TUB: variants seen among roughly 807,000 people sequenced by gnomAD.
TUB encodes the protein TUB bipartite transcription factor, also known as tubby protein homolog.
In TUB, 33 loss-of-function variants were observed where a neutral mutation model predicts 59.7. The ratio of observed to expected loss-of-function variants is 0.55; its 90% CI spans 0.42 to 0.74. TUB has a LOEUF of 0.74. Among genes scored for constraint, TUB ranks in the 30% least tolerant of loss-of-function variants. The pLI, the probability that TUB is intolerant of heterozygous loss-of-function variation, is 0.00. For synonymous variants in TUB, 293 were observed against 256.4 expected, an observed-to-expected ratio of 1.14 and a Z score of -1.36; for missense variants, 659 against 672.0, an observed-to-expected ratio of 0.98 and a Z score of 0.21.
chr11:8,065,650 C>T (rs977854097), intron 2 of TUB, among the ~76,000 whole-genome samples: 16 of 152,146 alleles, frequency 1.1e-4, no homozygotes, highest in African/African-American at 3.6e-4. Flanking sequence ...CCAAATAGGC[C>T]TCCACTCTAG....
rs376033505 is a variant in TUB at position 8,039,719 on chromosome 11, C to T, written c.203+27C>T. 4.1e-5 allele frequency: 62 copies of T among 1,494,760 alleles called. No homozygotes were observed. The Admixed American group carries it at 7.0e-4, about 17-fold the overall frequency. 92.6% of individuals were successfully genotyped at this position (1,494,760 alleles called of 1,614,324 possible). A position where few individuals can be genotyped will look rare whatever the true frequency, so the allele number is the denominator to read the frequency against. On this transcript the variant is annotated intron_variant, in intron 2 of 12. Coordinates refer to the TUB transcript ENST00000305253. ...TGAGCTGGAGGGGAGGAGGGCGTGC[C>T]GGCCCTGGGAAAGGGCCAACCACAG...
At position 8,103,637 on chromosome 11, in the gene TUB, T is replaced by G. The variant is rs1355402996; in HGVS notation, c.*2018T>G. The stretch of plus-strand genomic sequence containing the variant: ...CCAGTTTCTAGAGGGCACTAGAACT[T>G]TGTGCCAGCGCTGGCGAGATACCAT... On this transcript the variant is annotated 3_prime_UTR_variant, in exon 12 of 12. Coordinates refer to ENST00000299506, the MANE Select transcript of TUB (RefSeq NM_177972.3). The G allele has an allele frequency of 6.6e-6, 1 of 152,574 alleles. No individual in the cohort carries two copies. The highest frequency in any genetic ancestry group is 1.5e-5 in the Non-Finnish European group (1 of 68,026). The allele number at this position is 152,574 out of a possible 1,614,324, so 9.5% of individuals were successfully genotyped here.
At chr11:8,074,616 GT>G (rs1342191996) in intron 2 of TUB, among the ~76,000 whole-genome samples, 1 of 151,804 alleles carries the variant, frequency 6.6e-6, no homozygotes, top group Non-Finnish European at 1.5e-5. Flanking sequence ...GTTCACACCT[GT>G]AGTCCCAGCT....
At chr11:8,058,285 T>A (rs1006907332) in intron 2 of TUB, among the ~76,000 whole-genome samples, 3 of 151,700 alleles carry the variant, frequency 2.0e-5, no homozygotes, top group Admixed American at 6.6e-5. Context: ...ACAAAGGTAA[T>A]ATACTGAAAA....
At chr11:8,096,017 C>A (rs1019419558) in intron 5 of TUB, among the ~76,000 whole-genome samples, 1 of 152,190 alleles carries the variant, frequency 6.6e-6, no homozygotes, top group African/African-American at 2.4e-5. Context: ...CACCACAAGC[C>A]CTGCCCTAGG....
intron 1 of TUB, among the ~76,000 whole-genome samples, chr11:8,032,988 C>T (rs961214187): frequency 1.3e-5 from 2 of 152,168 alleles, no homozygotes; most frequent in Admixed American, 6.5e-5. Flanking sequence ...TGGGCATGGG[C>T]TTTCTGTCAC....
chr11:8,025,161 G>A (rs979822785), intron 1 of TUB, among the ~76,000 whole-genome samples: 8 of 152,184 alleles, frequency 5.3e-5, no homozygotes, highest in African/African-American at 9.7e-5. Flanking sequence ...TATATTTAAT[G>A]TATCAGTGCT....
chr11:8,072,957 A>G (rs1425132499), intron 2 of TUB, among the ~76,000 whole-genome samples: 1 of 152,264 alleles, frequency 6.6e-6, no homozygotes, highest in Non-Finnish European at 1.5e-5. Flanking sequence ...GAGTCAAAGT[A>G]TCAGAGAACG....
chr11:8,025,775 G>T (rs1240783975), intron 1 of TUB, among the ~76,000 whole-genome samples: 1 of 152,190 alleles, frequency 6.6e-6, no homozygotes, highest in Admixed American at 6.5e-5. Flanking sequence ...GAATATTCAT[G>T]TACAGGTCTT....
At chr11:8,064,956 G>A (rs1274136187) in intron 2 of TUB, among the ~76,000 whole-genome samples, 1 of 152,228 alleles carries the variant, frequency 6.6e-6, no homozygotes, top group Non-Finnish European at 1.5e-5. Context: ...GCAGAAGAGT[G>A]ATTTGTGCAA....
At position 8,106,119 on chromosome 11, in the gene TUB, T is replaced by TATTTA. The variant is rs1944607228; in HGVS notation, c.*4501_*4505dup. 6.6e-6 allele frequency: 1 copy of TATTTA among 152,264 alleles called. No individual in the cohort carries two copies. Among genetic ancestry groups the TATTTA allele is most frequent in the South Asian group, 2.1e-4 (1 of 4,838 alleles). 9.4% of individuals were successfully genotyped at this position (152,264 alleles called of 1,614,324 possible). ...TTTGGTATTCTGGAGCAAATGTATT[T>TATTTA]ATTTATTGGTATGTGCAATGACAAA... is the stretch of plus-strand genomic sequence containing the variant. On this transcript the variant is annotated 3_prime_UTR_variant, in exon 12 of 12. Coordinates refer to ENST00000299506, the MANE Select transcript of TUB (RefSeq NM_177972.3).
In TUB at chr11:8,051,184, G is replaced by A. The variant is rs73396727; in HGVS notation, c.203+11492G>A. Among the ~76,000 whole-genome samples the A allele has an allele frequency of 4.5e-3, 679 of 152,244 alleles. 3 individuals are homozygous for A. The highest frequency in any genetic ancestry group is 0.012 in the African/African-American group (515 of 41,550). On this transcript the variant is annotated intron_variant, in intron 2 of 12. Transcript: ENST00000305253. ...TGCTACTTTGAAAATGATCTCGGGTGTTACCTGAAAAAAATGTGCAGTATG... is the reference window on the plus strand; with the variant it reads ...TGCTACTTTGAAAATGATCTCGGGTATTACCTGAAAAAAATGTGCAGTATG...
At chr11:8,065,497 T>C (rs1389698832) in intron 2 of TUB, among the ~76,000 whole-genome samples, 1 of 152,266 alleles carries the variant, frequency 6.6e-6, no homozygotes, top group Non-Finnish European at 1.5e-5. Context: ...GGGATAGTCG[T>C]ACCTGCCTTA....
chr11:8,073,281 AGCAAAAAG>A (rs1943390790), intron 2 of TUB, among the ~76,000 whole-genome samples: 4 of 152,194 alleles, frequency 2.6e-5, no homozygotes, highest in Non-Finnish European at 4.4e-5. Context: ...AGGGCCATGG[AGCAAAAAG>A]GTGGTGTGTT....
chr11:8,033,878 C>G (rs531751499), upstream of TUB, among the ~76,000 whole-genome samples: 1 of 152,394 alleles, frequency 6.6e-6, no homozygotes, highest in East Asian at 1.9e-4. Context: ...GTCTTGCAGC[C>G]TTTCCCCCTC....
chr11:8,058,220 T>TA (rs59581554), intron 2 of TUB, among the ~76,000 whole-genome samples: 65,750 of 139,634 alleles, frequency 0.47, 16,195 homozygotes, highest in Middle Eastern at 0.65. Context: ...TCTCAAAAAT[T>TA]AAAAAAAAAA....
rs1196808541 is a variant in TUB, at chr11:8,081,499, C to T, written c.-12C>T. 1.3e-6 allele frequency: 2 copies of T among 1,533,764 alleles called. No homozygotes were observed. Among genetic ancestry groups the T allele is most frequent in the Non-Finnish European group, 8.7e-7 (1 of 1,147,458 alleles). ...CTCCAGAGCCGCAGCCACCGCCCCG[C>T]CCCCGAGAGACATGACTTCCAAGCC... On this transcript the variant is annotated 5_prime_UTR_variant, in exon 1 of 12. Coordinates refer to ENST00000299506, the MANE Select transcript of TUB (RefSeq NM_177972.3).
chr11:8,064,375 C>T (rs1943195426), intron 2 of TUB, among the ~76,000 whole-genome samples: 1 of 152,078 alleles, frequency 6.6e-6, no homozygotes, highest in East Asian at 1.9e-4. Context: ...GTGGCTGTGG[C>T]CATAGGGATA....
chr11:8,057,057 T>C (rs1589937672), intron 2 of TUB, among the ~76,000 whole-genome samples: 2 of 152,044 alleles, frequency 1.3e-5, no homozygotes, highest in Non-Finnish European at 2.9e-5. Flanking sequence ...GGATCCCAGC[T>C]CTGGCAGCTC....
Sources: gnomAD v4.1 joint callset for allele counts (sites outside exome capture counted in the v4.1 genomes callset) on GRCh38, gnomAD v4.1.1 for gene constraint, MANE v1.5 for transcripts, NCBI Gene and HGNC (gene_info 2026-07-23, HGNC 2026-07-21) for gene names.